The following GNAQ variants were observed in gnomAD, a reference collection of about 807,000 sequenced individuals.
The protein encoded by GNAQ is guanine nucleotide-binding protein G(q) subunit alpha.
In GNAQ, 8 loss-of-function variants were observed where a neutral mutation model predicts 43.9. The ratio of observed to expected loss-of-function variants is 0.18; its 90% CI spans 0.11 to 0.33. The LOEUF is 0.33. Among genes scored for constraint, GNAQ ranks in the 10% least tolerant of loss-of-function variants. The probability of loss-of-function intolerance (pLI) is 1.00; values close to 1 mark genes in which losing one functional copy is unlikely to be tolerated. For missense variants in GNAQ, 158 were observed against 450.8 expected (o/e 0.35, Z 5.88); for synonymous variants, 155 against 170.7 (o/e 0.91, Z 0.71).
Position 77,763,116 on chromosome 9 carries a change from A to C in GNAQ, c.735+31347T>G, listed in dbSNP as rs188309285. 6.5e-3 allele frequency among the ~76,000 whole-genome samples: 906 copies of C among 139,358 alleles called. 4 individuals carry two copies. The highest frequency in any genetic ancestry group is 0.019 in the Middle Eastern group (5 of 264). The allele number at this position is 139,358 out of a possible 152,430, so 91.4% of individuals were successfully genotyped here. A position where few individuals can be genotyped will look rare whatever the true frequency, so the allele number is the denominator to read the frequency against. ...TCAATAAAAATAAAATTAAAAAAAA[A>C]CAAAAAAATAAACAAACAAACAAAC... On this transcript the variant is annotated intron_variant, in intron 5 of 6. Transcript: ENST00000286548.
At chr9:77,980,026 A>G (rs1424566129) in intron 1 of GNAQ, among the ~76,000 whole-genome samples, 1 of 152,222 alleles carries the variant, frequency 6.6e-6, no homozygotes, top group Non-Finnish European at 1.5e-5. Context: ...ACAAAGTTAC[A>G]AGAGAATCAA....
chr9:77,937,139 G>C (rs952776604), intron 1 of GNAQ, among the ~76,000 whole-genome samples: 16 of 152,040 alleles, frequency 1.1e-4, no homozygotes, highest in Non-Finnish European at 2.4e-4. Flanking sequence ...CTACAACTCA[G>C]CCATTTAAAA....
chr9:77,843,203 C>CCCTGCTCCTCCCTCTGG (rs1415788563), intron 2 of GNAQ, among the ~76,000 whole-genome samples: 1 of 152,176 alleles, frequency 6.6e-6, no homozygotes. Context: ...GTGATCACCT[C>CCCTGCTCCTCCCTCTGG]CCTGCTCCTC....
intron 3 of GNAQ, among the ~76,000 whole-genome samples, chr9:77,808,337 C>T (rs1018655547): frequency 4.0e-5 from 6 of 150,386 alleles, no homozygotes; most frequent in Non-Finnish European, 4.4e-5. Flanking sequence ...CAGCATTCAC[C>T]GAGGAAGACA....
chr9:77,760,853 G>A (rs1373977795), intron 5 of GNAQ, among the ~76,000 whole-genome samples: 3 of 147,978 alleles, frequency 2.0e-5, no homozygotes, highest in Admixed American at 6.7e-5. Context: ...GTGCCTTTGC[G>A]CCACCGCCCC....
chr9:77,916,763 CAA>C (rs750681420), intron 2 of GNAQ, among the ~76,000 whole-genome samples: 1 of 139,212 alleles, frequency 7.2e-6, no homozygotes, highest in Non-Finnish European at 1.6e-5. Flanking sequence ...AACTGGTTTA[CAA>C]AAAAAAAAAG....
At chr9:77,851,259 A>G (rs1417612264) in intron 2 of GNAQ, among the ~76,000 whole-genome samples, 3 of 152,036 alleles carry the variant, frequency 2.0e-5, no homozygotes, top group African/African-American at 7.2e-5. Flanking sequence ...TGAAAACCCC[A>G]TTTTTTCCCC....
intron 1 of GNAQ, among the ~76,000 whole-genome samples, chr9:77,923,077 G>T (rs895349197): frequency 1.3e-5 from 2 of 151,556 alleles, no homozygotes; most frequent in Non-Finnish European, 2.9e-5. Context: ...GGCTGGCTGT[G>T]AACTCCTAGC....
intron 5 of GNAQ, among the ~76,000 whole-genome samples, chr9:77,745,084 G>A (rs1474636037): frequency 6.6e-6 from 1 of 152,198 alleles, no homozygotes; most frequent in Non-Finnish European, 1.5e-5. Context: ...AAACATTCAA[G>A]TGATAATGTT....
chr9:77,870,852 TAAG>T (rs1298443944), intron 2 of GNAQ, among the ~76,000 whole-genome samples: 2 of 151,796 alleles, frequency 1.3e-5, no homozygotes, highest in Non-Finnish European at 2.9e-5. Flanking sequence ...ATGTTGAATA[TAAG>T]AAGCCAAACG....
At chr9:77,836,702 C>A (rs968157913) in intron 2 of GNAQ, among the ~76,000 whole-genome samples, 4 of 152,110 alleles carry the variant, frequency 2.6e-5, no homozygotes, top group Non-Finnish European at 5.9e-5. Context: ...GTACTAAATC[C>A]TGTATCTGCT....
At chr9:77,951,089 G>GTTT (rs1554728249) in intron 1 of GNAQ, among the ~76,000 whole-genome samples, 14 of 76,684 alleles carry the variant, frequency 1.8e-4, no homozygotes, top group African/African-American at 1.8e-4. Context: ...GCAGTCAAGT[G>GTTT]TTCTTTTTTT....
chr9:77,914,658 G>C (rs1041883272), intron 2 of GNAQ, among the ~76,000 whole-genome samples: 2 of 151,262 alleles, frequency 1.3e-5, no homozygotes, highest in African/African-American at 4.9e-5. Context: ...GCAAAACTCC[G>C]TCTCAAAACA....
Position 77,728,557 on chromosome 9 carries a change from T to C in GNAQ, c.846A>G (p.Lys282=). Residue 282 remains lysine (K), a synonymous_variant, in exon 6 of 7, where the codon AAA becomes AAG. Coordinates refer to ENST00000286548, the MANE Select transcript of GNAQ (RefSeq NM_002072.5). ...FLNKKDLLEE[K]IMYSHLVDYF... Reference sequence around the variant, plus strand: ...AGTCGACTAGATGGGAATACATGATTTTCTCCTCTAGAAGATCTTTCTTGT... The same window carrying C: ...AGTCGACTAGATGGGAATACATGATCTTCTCCTCTAGAAGATCTTTCTTGT... 2 of 1,602,376 alleles carry C rather than the reference T, an allele frequency of 1.2e-6. No individual in the cohort carries two copies. The highest frequency in any genetic ancestry group is 1.3e-5 in the African/African-American group (1 of 74,812).
chr9:77,934,980 C>T (rs1030896513), intron 1 of GNAQ, among the ~76,000 whole-genome samples: 6 of 152,060 alleles, frequency 3.9e-5, no homozygotes, highest in Admixed American at 3.9e-4. Context: ...CAAAAATTAG[C>T]AGGGTATGGT....
chr9:77,840,635 C>T (rs1346932298), intron 2 of GNAQ, among the ~76,000 whole-genome samples: 3 of 152,054 alleles, frequency 2.0e-5, no homozygotes, highest in African/African-American at 7.2e-5. Context: ...CTGCACCTGG[C>T]TGCATTTGAT....
chr9:77,805,462 T>C (rs954442329), intron 3 of GNAQ, among the ~76,000 whole-genome samples: 3 of 152,020 alleles, frequency 2.0e-5, no homozygotes, highest in African/African-American at 7.2e-5. Context: ...TGGAGTGCAA[T>C]GGCATGATCT....
chr9:77,850,846 C>T (rs191749186), intron 2 of GNAQ, among the ~76,000 whole-genome samples: 1 of 152,232 alleles, frequency 6.6e-6, no homozygotes, highest in Non-Finnish European at 1.5e-5. Flanking sequence ...TGACCCTCGC[C>T]TGCCTCTTCC....
intron 1 of GNAQ, among the ~76,000 whole-genome samples, chr9:77,993,427 G>A (rs996776948): frequency 3.3e-5 from 5 of 152,274 alleles, no homozygotes; most frequent in South Asian, 2.1e-4. Context: ...GGCCAGGCGC[G>A]GTGGCTCACG....
Sources: allele counts gnomAD v4.1 joint callset (sites outside exome capture counted in the v4.1 genomes callset), GRCh38; gene constraint gnomAD v4.1.1; transcripts MANE v1.5; gene names NCBI Gene and HGNC (gene_info 2026-07-23, HGNC 2026-07-21).